Variants in PALM2AKAP2 observed in about 807,000 individuals in gnomAD.
PALM2AKAP2 encodes PALM2-AKAP2 fusion protein.
In PALM2AKAP2, 37 loss-of-function variants were observed where a neutral mutation model predicts 71.5. The ratio of observed to expected loss-of-function variants is 0.52; its 90% CI spans 0.40 to 0.68. The LOEUF (loss-of-function observed/expected upper bound fraction) is 0.68. Among genes scored for constraint, PALM2AKAP2 ranks in the 30% least tolerant of loss-of-function variants. PALM2AKAP2 has a pLI of 0.00. For missense variants in PALM2AKAP2, 1,224 were observed against 1,191.8 expected (o/e 1.03, Z -0.40); for synonymous variants, 468 against 478.8 (o/e 0.98, Z 0.29).
chr9:109,925,640 T>C (rs1830940792), intron 5 of PALM2AKAP2, among the ~76,000 whole-genome samples: 1 of 152,044 alleles, frequency 6.6e-6, no homozygotes, highest in African/African-American at 2.4e-5. Context: ...GTTCAGAGCA[T>C]AGGAAGGTAG....
upstream of PALM2AKAP2, among the ~76,000 whole-genome samples, chr9:109,778,768 A>ATTTTT (rs34459734): frequency 6.4e-5 from 9 of 141,474 alleles, no homozygotes; most frequent in Admixed American, 7.1e-5. Flanking sequence ...TTTGATGTGC[A>ATTTTT]TTTTTTTTTT....
chr9:109,968,574 A>G (rs904576483), intron 6 of PALM2AKAP2, among the ~76,000 whole-genome samples: 2 of 152,142 alleles, frequency 1.3e-5, no homozygotes, highest in African/African-American at 4.8e-5. Flanking sequence ...TGCACCCTAC[A>G]AAGGGAGGTG....
At chr9:110,108,847 T>A (rs532438718) in intron 1 of PALM2AKAP2, among the ~76,000 whole-genome samples, 21 of 151,696 alleles carry the variant, frequency 1.4e-4, no homozygotes, top group African/African-American at 2.9e-4. Flanking sequence ...TAAAAAAAAA[T>A]TTTTTTTTGG....
At chr9:110,077,259 A>G (rs751199527) in intron 1 of PALM2AKAP2, among the ~76,000 whole-genome samples, 2 of 152,196 alleles carry the variant, frequency 1.3e-5, no homozygotes, top group Non-Finnish European at 2.9e-5. Flanking sequence ...GCGATACCCT[A>G]TTAGATGTGG....
At chr9:109,868,158 G>T (rs72753063) in intron 2 of PALM2AKAP2, among the ~76,000 whole-genome samples, 3,866 of 152,210 alleles carry the variant, frequency 0.025, 87 homozygotes, top group Non-Finnish European at 0.038. Flanking sequence ...ATTTGACTCA[G>T]ACGGGTCTCC....
intron 1 of PALM2AKAP2, among the ~76,000 whole-genome samples, chr9:109,861,283 G>GA (rs1215731539): frequency 6.6e-6 from 1 of 152,220 alleles, no homozygotes; most frequent in Non-Finnish European, 1.5e-5. Flanking sequence ...CAGTCAGCAG[G>GA]AGAGAAGAGG....
intron 1 of PALM2AKAP2, among the ~76,000 whole-genome samples, chr9:109,843,386 TTTTA>T (rs1234033831): frequency 1.3e-5 from 2 of 151,938 alleles, no homozygotes; most frequent in East Asian, 1.9e-4. Context: ...CACTATTGAT[TTTTA>T]TTTGATTTAA....
chr9:109,816,915 A>G (rs757198207), intron 1 of PALM2AKAP2, among the ~76,000 whole-genome samples: 1 of 152,224 alleles, frequency 6.6e-6, no homozygotes, highest in Non-Finnish European at 1.5e-5. Flanking sequence ...TGAGTCTGAA[A>G]TGCAACGGAC....
intron 1 of PALM2AKAP2, among the ~76,000 whole-genome samples, chr9:110,080,019 G>A (rs1168492979): frequency 1.4e-5 from 2 of 141,426 alleles, no homozygotes; most frequent in African/African-American, 5.3e-5. Flanking sequence ...GCAGTGAGCT[G>A]AGATTGCGCC....
chr9:109,914,530 T>C (rs1830641886), intron 3 of PALM2AKAP2, among the ~76,000 whole-genome samples: 2 of 152,222 alleles, frequency 1.3e-5, no homozygotes, highest in South Asian at 4.1e-4. Context: ...TGGGCAGCTT[T>C]CCTCTCCTCT....
intron 1 of PALM2AKAP2, among the ~76,000 whole-genome samples, chr9:109,854,764 T>TC (rs71373947): frequency 1.6e-4 from 5 of 30,304 alleles, no homozygotes. Context: ...AGAATGTATC[T>TC]TTTTTTTTTT....
intron 1 of PALM2AKAP2, among the ~76,000 whole-genome samples, chr9:110,061,574 C>A (rs1833965412): frequency 6.7e-6 from 1 of 150,000 alleles, no homozygotes; most frequent in Admixed American, 6.7e-5. Context: ...TATTTAACCC[C>A]CGTAACAACC....
chr9:109,794,975 A>G (rs1241579442), intron 1 of PALM2AKAP2, among the ~76,000 whole-genome samples: 5 of 152,206 alleles, frequency 3.3e-5, no homozygotes, highest in Admixed American at 1.3e-4. Context: ...GGTCATACAT[A>G]TGCTTGATCC....
chr9:110,093,919 C>T (rs1174560649), intron 1 of PALM2AKAP2, among the ~76,000 whole-genome samples: 2 of 152,224 alleles, frequency 1.3e-5, no homozygotes, highest in Non-Finnish European at 2.9e-5. Flanking sequence ...CCTTGTGCGT[C>T]TTTCCCAGTG....
At chr9:109,964,374 C>CAGGCAGAGGCAG (rs57432670) in intron 6 of PALM2AKAP2, among the ~76,000 whole-genome samples, 30,433 of 152,036 alleles carry the variant, frequency 0.2, 3,560 homozygotes, top group East Asian at 0.52. Context: ...TGGGCTACTG[C>CAGGCAGAGGCAG]AGGCAGAGGC....
intron 1 of PALM2AKAP2, among the ~76,000 whole-genome samples, chr9:110,129,336 C>T (rs549369731): frequency 6.6e-6 from 1 of 152,316 alleles, no homozygotes; most frequent in East Asian, 1.9e-4. Flanking sequence ...CAAGCTAACT[C>T]TGTTTTGATC....
In PALM2AKAP2 at chr9:110,106,466, G is replaced by A. The variant is rs938305166; in HGVS notation, c.157-29661G>A. ...ACCACCTCAAGCTGGTCTTATCATTGTTGCTGGGGGGGATGTGTAAGGCTA... is the reference window on the plus strand; with the variant it reads ...ACCACCTCAAGCTGGTCTTATCATTATTGCTGGGGGGGATGTGTAAGGCTA... On this transcript the variant is annotated intron_variant, in intron 1 of 3. Coordinates refer to ENST00000374525, the Ensembl canonical transcript of PALM2AKAP2. Among the ~76,000 whole-genome samples, 110 of 152,196 alleles carry A rather than the reference G, an allele frequency of 7.2e-4. 6 individuals carry two copies. Among genetic ancestry groups the A allele is most frequent in the Non-Finnish European group, 1.0e-4 (7 of 68,026 alleles).
At chr9:109,683,770 T>A (rs1027403048) in intron 1 of PALM2AKAP2, among the ~76,000 whole-genome samples, 15 of 152,088 alleles carry the variant, frequency 9.9e-5, no homozygotes, top group Non-Finnish European at 2.1e-4. Flanking sequence ...ATGATGCTGG[T>A]AGGTTAGATT....
At position 110,138,551 on chromosome 9, in the gene PALM2AKAP2, G is replaced by A; in HGVS notation, c.2569+12G>A. 6.3e-7 allele frequency: 1 copy of A among 1,575,488 alleles called. No homozygotes were observed. Among genetic ancestry groups the A allele is most frequent in the African/African-American group, 1.4e-5 (1 of 73,784 alleles). On this transcript the variant is annotated intron_variant, in intron 2 of 3. Coordinates refer to ENST00000374525, the Ensembl canonical transcript of PALM2AKAP2. ...CAAAACTGCTCCAGGTAAGTGAGGTGCCTCACATGAGAGACAGATGCCACA... is the reference window on the plus strand; with the variant it reads ...CAAAACTGCTCCAGGTAAGTGAGGTACCTCACATGAGAGACAGATGCCACA...
Sources: gnomAD v4.1 joint callset for allele counts (sites outside exome capture counted in the v4.1 genomes callset) on GRCh38, gnomAD v4.1.1 for gene constraint, MANE v1.5 for transcripts, NCBI Gene and HGNC (gene_info 2026-07-23, HGNC 2026-07-21) for gene names.